The following MYH7B variants were observed in gnomAD, a reference collection of about 807,000 sequenced individuals.
The protein encoded by MYH7B is myosin heavy chain 7B, also known as myosin-7B.
Under a neutral mutation model 234.5 loss-of-function variants are expected in MYH7B, and 205 were observed. The ratio of observed to expected loss-of-function variants is 0.87; its 90% confidence interval spans 0.78 to 0.98. The LOEUF (loss-of-function observed/expected upper bound fraction) is 0.98. MYH7B is among the 50% of genes least tolerant of loss of function. The pLI is 0.00. For missense variants in MYH7B, 2,652 were observed against 2,633.4 expected, an observed-to-expected ratio of 1.01 and a Z score of -0.15; for synonymous variants, 1,193 against 1,105.0, an observed-to-expected ratio of 1.08 and a Z score of -1.58.
intron 1 of MYH7B, among the ~76,000 whole-genome samples, chr20:34,956,550 G>GT (rs1460944807): frequency 7.2e-6 from 1 of 139,710 alleles, no homozygotes; most frequent in Non-Finnish European, 1.5e-5. Flanking sequence ...TAAATGGAAT[G>GT]TATCAGTCCA....
At chr20:35,001,578 A>G (rs754917490) in intron 43 of MYH7B, 52 bp downstream of exon 43, 147 of 1,508,296 alleles carry the variant, frequency 9.7e-5, no homozygotes, top group Non-Finnish European at 1.3e-4. Context: ...GCTCTGCCCC[A>G]GGGTCTGTGG....
intron 22 of MYH7B, 142 bp from the exon 23 acceptor site, chr20:34,990,596 C>T: frequency 1.3e-6 from 1 of 784,616 alleles, no homozygotes; most frequent in Non-Finnish European, 2.2e-6. Context: ...AGCGAAGGGT[C>T]TCCCATCACC....
chr20:34,956,218 C>T (rs1283790053), intron 1 of MYH7B, among the ~76,000 whole-genome samples: 3 of 152,084 alleles, frequency 2.0e-5, no homozygotes. Flanking sequence ...CCCAGCCCAG[C>T]CAAGTCCCAG....
chr20:34,988,116 A>C, exon 19 of MYH7B: 1 of 1,613,978 alleles, frequency 6.2e-7, no homozygotes, highest in Non-Finnish European at 8.5e-7. Context: ...ACAGCTGTGC[A>C]TCAACTTCAC....
intron 3 of MYH7B, among the ~76,000 whole-genome samples, chr20:34,976,595 T>C (rs1422940456): frequency 6.6e-6 from 1 of 152,206 alleles, no homozygotes; most frequent in Non-Finnish European, 1.5e-5. Flanking sequence ...GAAGGTGGCT[T>C]CCTGTGAATC....
chr20:34,993,202 C>T lies in MYH7B; in HGVS notation c.2284C>T (p.Gln762Ter), dbSNP rs1215811325. 28 of 1,613,912 alleles carry T rather than the reference C, an allele frequency of 1.7e-5. No individual in the cohort carries two copies. Among genetic ancestry groups the T allele is most frequent in the Admixed American group, 3.3e-5 (2 of 59,996 alleles). ...GGGCTCGCTGGACTTGGATCACACC[C>T]AGTACCAGTTTGGCCACACCAAGGT... is the stretch of plus-strand genomic sequence containing the variant. The change falls in exon 25 of 45, where the codon CAG becomes TAG. Residue 762 changes from glutamine to a stop codon, truncating the protein, a stop_gained. Transcript: ENST00000262873. LOFTEE classifies it high-confidence loss of function.
In MYH7B at chr20:35,000,365, G is replaced by A. The variant is rs370877741; in HGVS notation, c.4854G>A (p.Ala1618=). The A allele has an allele frequency of 2.9e-5, 47 of 1,598,830 alleles. No homozygotes were observed. Among genetic ancestry groups the A allele is most frequent in the East Asian group, 4.5e-5 (2 of 44,886 alleles). ...CAGAGACACGGGCCCGCAATGAGGCGCTGCGGCTCAAGAAGAAGATGGAGG... is the reference window on the plus strand; with the variant it reads ...CAGAGACACGGGCCCGCAATGAGGCACTGCGGCTCAAGAAGAAGATGGAGG... The change falls in exon 39 of 45, where the codon GCG becomes GCA. Residue 1618 remains alanine, a synonymous_variant. Transcript: ENST00000262873.
At chr20:35,000,592 A>G in exon 39 of MYH7B, 1 of 1,568,958 alleles carries the variant, frequency 6.4e-7, no homozygotes, top group Non-Finnish European at 8.6e-7. Context: ...GAGCTGGAGG[A>G]GCTGCGGGCT....
At chr20:34,973,801 A>G (rs2081816464) in intron 2 of MYH7B, among the ~76,000 whole-genome samples, 1 of 152,196 alleles carries the variant, frequency 6.6e-6, no homozygotes, top group Non-Finnish European at 1.5e-5. Context: ...TCTGTTGCCC[A>G]GGCTGGAGTG....
intron 38 of MYH7B, 73 bp from the exon 39 acceptor site, chr20:35,000,220 A>C (rs1306779162): frequency 1.5e-5 from 23 of 1,493,300 alleles, no homozygotes; most frequent in Middle Eastern, 1.8e-4. Context: ...GTTCGTTTCC[A>C]ACGGTCCTTG....
At chr20:34,989,816 T>G in exon 20 of MYH7B, 2 of 1,614,162 alleles carry the variant, frequency 1.2e-6, no homozygotes, top group Non-Finnish European at 8.5e-7. Flanking sequence ...CGGGCCAAGC[T>G]CTACGACAAC....
chr20:34,988,350 C>A, intron 19 of MYH7B, 88 bp downstream of exon 19: 1 of 1,435,710 alleles, frequency 7.0e-7, no homozygotes. Flanking sequence ...GCATGGAAGC[C>A]TGCAAGTGTG....
chr20:34,999,515 A>T, intron 36 of MYH7B, 56 bp from the exon 37 acceptor site: 2 of 1,545,794 alleles, frequency 1.3e-6, no homozygotes, highest in Non-Finnish European at 8.7e-7. Context: ...GAGTGGAGTG[A>T]CCTGGGTGGG....
At position 34,990,743 on chromosome 20, in the gene MYH7B, C is replaced by A. The variant is rs777458980; in HGVS notation, c.1983C>A (p.Asn661Lys). The A allele has an allele frequency of 1.7e-5, 27 of 1,614,070 alleles. No individual in the cohort carries two copies. The highest frequency in any genetic ancestry group is 1.9e-5 in the Non-Finnish European group (23 of 1,180,030). Residue 661 changes from asparagine to lysine, a missense_variant, in exon 23 of 45, where the codon AAC (asparagine) becomes AAA (lysine). Around this residue, in one of 3 missense-constraint regions of MYH7B, gnomAD observed 2,279 missense variants for 2,211.4 expected, o/e 1.03. Transcript: ENST00000262873. ...TCACTCTTCCCCACTGCCAGGAGAA[C>A]CTCAACAAGCTGATGACCAACCTGC...
chr20:34,998,137 A>C lies in MYH7B; in HGVS notation c.3748-158A>C, dbSNP rs1305117620. Among the ~76,000 whole-genome samples, 4 of 152,088 alleles carry C rather than the reference A, an allele frequency of 2.6e-5. No homozygotes were observed. In the South Asian group the frequency reaches 6.2e-4, roughly 24 times the overall value. On this transcript the variant is annotated intron_variant, in intron 32 of 44. Transcript: ENST00000262873. Reference sequence around the variant, plus strand: ...GACACCTGTTAAGCCCAGCAGTAGAATCTCTTTCCCTGACTTTGAACTTGG... The same window carrying C: ...GACACCTGTTAAGCCCAGCAGTAGACTCTCTTTCCCTGACTTTGAACTTGG...
rs202069312 is a variant in MYH7B, at chr20:34,994,301, G to A, written c.2600G>A (p.Arg867Gln). ...CTGCGGGCAGAGCTGCGGGGGTTGCGAGGGGCGCTGGCTGCGGCCGAGGCC... is the reference window on the plus strand; with the variant it reads ...CTGCGGGCAGAGCTGCGGGGGTTGCAAGGGGCGCTGGCTGCGGCCGAGGCC... Residue 867 changes from arginine to glutamine, a missense_variant, in exon 27 of 45, where the codon CGA becomes CAA. By Grantham distance (43) the Arg-to-Gln change is conservative (BLOSUM62 1). Coordinates refer to ENST00000262873, the Ensembl canonical transcript of MYH7B. The A allele has an allele frequency of 5.7e-4, 920 of 1,611,118 alleles. No homozygotes were observed. Among genetic ancestry groups the A allele is most frequent in the Non-Finnish European group, 7.3e-4 (865 of 1,178,762 alleles).
exon 17 of MYH7B, chr20:34,987,577 C>T (rs1343579123): frequency 1.2e-5 from 20 of 1,613,552 alleles, no homozygotes; most frequent in Non-Finnish European, 1.6e-5. Flanking sequence ...GGCTGCCTAC[C>T]TGATGGGGGT....
intron 11 of MYH7B, 37 bp downstream of exon 11, chr20:34,984,752 G>A (rs773120531): frequency 6.2e-7 from 1 of 1,607,326 alleles, no homozygotes; most frequent in Admixed American, 1.7e-5. Context: ...GCAGCCCTGG[G>A]GGTACCCCCT....
At position 34,977,558 on chromosome 20, in the gene MYH7B, G is replaced by A. The variant is rs142878635; in HGVS notation, c.-121-74G>A. 286 of 1,443,334 alleles carry A rather than the reference G, an allele frequency of 2.0e-4. 4 individuals are homozygous for A. In the East Asian group the frequency reaches 5.7e-3, roughly 29 times the overall value. The allele number at this position is 1,443,334 out of a possible 1,614,324, so 89.4% of individuals were successfully genotyped here. A position where few individuals can be genotyped will look rare whatever the true frequency, so the allele number is the denominator to read the frequency against. On this transcript the variant is annotated intron_variant, in intron 3 of 44. Coordinates refer to ENST00000262873, the Ensembl canonical transcript of MYH7B. ...AGATAAAAGGGAATTTGCCTTTTGT[G>A]TCCTGTGGCCAGGCTGGGGGGGCTG...
Sources: allele counts gnomAD v4.1 joint callset (sites outside exome capture counted in the v4.1 genomes callset), GRCh38; gene constraint gnomAD v4.1.1; regional missense constraint gnomAD v4.1.1; transcripts MANE v1.5; gene names NCBI Gene and HGNC (gene_info 2026-07-23, HGNC 2026-07-21).